The following USP32 variants were observed in gnomAD, a reference collection of about 807,000 sequenced individuals.
USP32 encodes the protein ubiquitin carboxyl-terminal hydrolase 32.
In USP32, 59 loss-of-function variants were observed where a neutral mutation model predicts 204.8. The ratio of observed to expected loss-of-function variants is 0.29; its 90% CI spans 0.23 to 0.36. The LOEUF (loss-of-function observed/expected upper bound fraction) is 0.36, where lower values mean the gene tolerates loss of function less well. USP32 is among the 10% of genes least tolerant of loss of function. The probability of loss-of-function intolerance (pLI) is 1.00; values close to 1 mark genes in which losing one functional copy is unlikely to be tolerated. For synonymous variants in USP32, 517 were observed against 678.4 expected (o/e 0.76, Z 3.70); for missense variants, 1,160 against 1,946.4 (o/e 0.60, Z 7.60).
intron 2 of USP32, among the ~76,000 whole-genome samples, chr17:60,335,774 T>C (rs1298137584): frequency 7.0e-6 from 1 of 143,116 alleles, no homozygotes; most frequent in Non-Finnish European, 1.5e-5. Context: ...TTTCAAGAAG[T>C]GGGCAATGGG....
rs551178348 is a variant in USP32, at chr17:60,295,492, A to G, written c.293-691T>C. 3.9e-5 allele frequency among the ~76,000 whole-genome samples: 6 copies of G among 152,360 alleles called. 1 individual carries two copies. The East Asian group carries it at 1.2e-3, about 29-fold the overall frequency. ...CCAAAAATATTAAATGGAAATTTCC[A>G]GAAATGAACAATTCATAAACTTTAA... is the stretch of plus-strand genomic sequence containing the variant. On this transcript the variant is annotated intron_variant, in intron 3 of 33. Transcript: ENST00000300896.
intron 12 of USP32, among the ~76,000 whole-genome samples, chr17:60,228,208 A>G (rs1331776847): frequency 1.3e-5 from 2 of 152,060 alleles, no homozygotes; most frequent in Non-Finnish European, 1.5e-5. Context: ...TATTTTTAAT[A>G]GAGACAGGGT....
At chr17:60,345,759 A>G (rs553222570) in intron 1 of USP32, 151 bp from the exon 2 acceptor site, 8 of 964,534 alleles carry the variant, frequency 8.3e-6, no homozygotes, top group East Asian at 5.3e-5. Context: ...AGGCAGGCGG[A>G]TCACTTAAGG....
chr17:60,245,525 A>C (rs2085996234), intron 11 of USP32: 1 of 318,396 alleles, frequency 3.1e-6, no homozygotes, highest in Admixed American at 3.9e-5. Flanking sequence ...CTCTGTTGTC[A>C]ATACCTCTGG....
At chr17:60,334,699 A>C (rs1360851950) in intron 2 of USP32, among the ~76,000 whole-genome samples, 2 of 143,186 alleles carry the variant, frequency 1.4e-5, no homozygotes. Flanking sequence ...CTCAAAAAAA[A>C]AGAAAAGAAA....
chr17:60,308,873 G>A (rs1251109116), intron 2 of USP32, among the ~76,000 whole-genome samples: 1 of 152,186 alleles, frequency 6.6e-6, no homozygotes, highest in Non-Finnish European at 1.5e-5. Context: ...AGGTTGCAGT[G>A]AGCCGAGACT....
chr17:60,341,541 T>C (rs1038993295), intron 2 of USP32, among the ~76,000 whole-genome samples: 2 of 152,348 alleles, frequency 1.3e-5, no homozygotes, highest in South Asian at 4.1e-4. Context: ...AGAACACCAA[T>C]CAAACGTAGA....
intron 1 of USP32, among the ~76,000 whole-genome samples, chr17:60,358,151 TA>T (rs2089130193): frequency 6.6e-6 from 1 of 152,234 alleles, no homozygotes; most frequent in South Asian, 2.1e-4. Flanking sequence ...ACTACTTTTT[TA>T]TTGCAAATAT....
At chr17:60,261,816 T>G (rs1478477253) in intron 9 of USP32, among the ~76,000 whole-genome samples, 3 of 152,256 alleles carry the variant, frequency 2.0e-5, no homozygotes, top group African/African-American at 4.8e-5. Flanking sequence ...ATAATCTGAT[T>G]CTTTTATATA....
intron 7 of USP32, among the ~76,000 whole-genome samples, chr17:60,267,871 C>T (rs375905804): frequency 4.0e-5 from 6 of 151,558 alleles, no homozygotes; most frequent in South Asian, 2.1e-4. Flanking sequence ...AGTGCAATGG[C>T]GCAATCTTGG....
intron 11 of USP32, among the ~76,000 whole-genome samples, chr17:60,251,920 C>T (rs957576113): frequency 6.6e-6 from 1 of 151,774 alleles, no homozygotes; most frequent in African/African-American, 2.4e-5. Context: ...AAAATAGGAG[C>T]AGGGAATAAA....
intron 5 of USP32, among the ~76,000 whole-genome samples, chr17:60,287,131 C>T (rs2087135931): frequency 6.6e-6 from 1 of 152,166 alleles, no homozygotes. Context: ...GCCTGGGCGA[C>T]ACAGCAATAC....
At chr17:60,416,652 G>C (rs1396654144) in intron 1 of USP32, among the ~76,000 whole-genome samples, 1 of 152,104 alleles carries the variant, frequency 6.6e-6, no homozygotes, top group African/African-American at 2.4e-5. Flanking sequence ...CCTGGCTGCT[G>C]TTAGGTTCAA....
chr17:60,246,496 A>G (rs989719792), intron 11 of USP32, among the ~76,000 whole-genome samples: 4 of 152,140 alleles, frequency 2.6e-5, no homozygotes, highest in Non-Finnish European at 5.9e-5. Context: ...TAGTGCTGCA[A>G]TAAACACAGG....
intron 2 of USP32, among the ~76,000 whole-genome samples, chr17:60,324,987 G>C (rs979806421): frequency 3.9e-5 from 6 of 152,100 alleles, no homozygotes; most frequent in African/African-American, 1.4e-4. Flanking sequence ...TGGGCAACAA[G>C]AGCGAAACTC....
rs944415603 is a variant in USP32, at chr17:60,379,736, C to T, written c.58+12146G>A. ...GAAATATGAGCCACATGTTACTTAA[C>T]GTTCAGAAGACGTATAAATGAGAGC... On this transcript the variant is annotated intron_variant, in intron 1 of 33. Coordinates refer to ENST00000300896, the MANE Select transcript of USP32 (RefSeq NM_032582.4). 6.4e-4 allele frequency among the ~76,000 whole-genome samples: 98 copies of T among 152,146 alleles called. 1 individual carries two copies. Among genetic ancestry groups the T allele is most frequent in the Non-Finnish European group, 8.7e-4 (59 of 68,026 alleles).
intron 1 of USP32, among the ~76,000 whole-genome samples, chr17:60,352,111 C>A (rs570455511): frequency 6.6e-6 from 1 of 152,240 alleles, no homozygotes; most frequent in African/African-American, 2.4e-5. Flanking sequence ...CAAAACAGAA[C>A]CCTGACTTTA....
chr17:60,387,350 C>A (rs926312114), intron 1 of USP32, among the ~76,000 whole-genome samples: 4 of 152,136 alleles, frequency 2.6e-5, no homozygotes, highest in Non-Finnish European at 5.9e-5. Flanking sequence ...CTAGCAAACA[C>A]AACTACCTAT....
At chr17:60,306,499 G>A (rs540651808) in intron 2 of USP32, among the ~76,000 whole-genome samples, 5 of 151,994 alleles carry the variant, frequency 3.3e-5, no homozygotes, top group Admixed American at 6.6e-5. Context: ...TTAGCTGGGC[G>A]TTGTGGTGGG....
Sources: gnomAD v4.1 joint callset for allele counts (sites outside exome capture counted in the v4.1 genomes callset) on GRCh38, gnomAD v4.1.1 for gene constraint, MANE v1.5 for transcripts, NCBI Gene and HGNC (gene_info 2026-07-23, HGNC 2026-07-21) for gene names.